Variants in IGF1R observed in about 807,000 individuals in gnomAD.
IGF1R encodes insulin like growth factor 1 receptor.
Under a neutral mutation model 144.6 loss-of-function variants are expected in IGF1R, and 44 were observed. That is an observed-to-expected ratio of 0.30 (90% CI 0.24 to 0.39). The LOEUF is 0.39. IGF1R is among the 10% of genes least tolerant of loss of function. The pLI is 1.00. For synonymous variants in IGF1R, 795 were observed against 722.8 expected, an observed-to-expected ratio of 1.10 and a Z score of -1.60; for missense variants, 1,355 against 1,833.7, an observed-to-expected ratio of 0.74 and a Z score of 4.77.
At chr15:98,650,036 T>TC (rs1428909537) in intron 1 of IGF1R, among the ~76,000 whole-genome samples, 1 of 151,976 alleles carries the variant, frequency 6.6e-6, no homozygotes, top group Non-Finnish European at 1.5e-5. Context: ...ACCTCGCCCC[T>TC]TCCATGCGCA....
chr15:98,765,485 C>G (rs1449781879), intron 2 of IGF1R, among the ~76,000 whole-genome samples: 1 of 151,308 alleles, frequency 6.6e-6, no homozygotes, highest in Non-Finnish European at 1.5e-5. Flanking sequence ...ATTTTTTTTT[C>G]TTTTCTCTTT....
intron 2 of IGF1R, among the ~76,000 whole-genome samples, chr15:98,789,899 T>A: frequency 7.0e-6 from 1 of 143,422 alleles, no homozygotes; most frequent in South Asian, 2.1e-4. Flanking sequence ...TAAAAGCAAG[T>A]CTCTGCCCTG....
chr15:98,693,063 C>T (rs905640551), intron 1 of IGF1R, among the ~76,000 whole-genome samples: 2 of 152,276 alleles, frequency 1.3e-5, no homozygotes, highest in Middle Eastern at 3.4e-3. Flanking sequence ...GTGGAGCATG[C>T]TCTGTGGTTC....
Position 98,958,024 on chromosome 15 carries a change from A to C in IGF1R, c.*582A>C, listed in dbSNP as rs1173923162. The C allele has an allele frequency of 1.3e-5, 3 of 234,038 alleles. No homozygotes were observed. Among genetic ancestry groups the C allele is most frequent in the Non-Finnish European group, 1.7e-5 (2 of 118,446 alleles). 14.5% of individuals were successfully genotyped at this position (234,038 alleles called of 1,614,324 possible). A position where few individuals can be genotyped will look rare whatever the true frequency, so the allele number is the denominator to read the frequency against. On this transcript the variant is annotated 3_prime_UTR_variant, in exon 21 of 21. Coordinates refer to ENST00000650285, the MANE Select transcript of IGF1R (RefSeq NM_000875.5). ...GGCTGTTACCATTTTAACGCTGCCT[A>C]ATTTTGCCAAAATCCTGAACTTTCT...
intron 6 of IGF1R, among the ~76,000 whole-genome samples, chr15:98,910,690 G>A (rs1303403650): frequency 2.0e-5 from 3 of 152,214 alleles, no homozygotes; most frequent in Non-Finnish European, 4.4e-5. Context: ...CATAGAGCAC[G>A]TTAGGCTTGG....
intron 20 of IGF1R, among the ~76,000 whole-genome samples, chr15:98,951,244 G>A (rs541099059): frequency 3.3e-5 from 5 of 152,344 alleles, no homozygotes; most frequent in African/African-American, 1.2e-4. Flanking sequence ...GGTGCCCTGG[G>A]CCTGGGCCAG....
intron 10 of IGF1R, among the ~76,000 whole-genome samples, chr15:98,919,243 C>G (rs553665970): frequency 2.0e-5 from 3 of 152,348 alleles, no homozygotes; most frequent in African/African-American, 7.2e-5. Context: ...TTCTCGTGGT[C>G]CTTTCCACCT....
intron 2 of IGF1R, among the ~76,000 whole-genome samples, chr15:98,740,853 T>C (rs1399180829): frequency 6.6e-6 from 1 of 152,202 alleles, no homozygotes; most frequent in African/African-American, 2.4e-5. Flanking sequence ...TCCCCTACTT[T>C]CTCTTATGTA....
intron 2 of IGF1R, among the ~76,000 whole-genome samples, chr15:98,885,771 G>T (rs1050199081): frequency 6.6e-6 from 1 of 151,086 alleles, no homozygotes; most frequent in African/African-American, 2.4e-5. Context: ...TGGCCAGGTG[G>T]CCCCTCTTTC....
intron 2 of IGF1R, among the ~76,000 whole-genome samples, chr15:98,743,144 G>T (rs1031597813): frequency 1.3e-5 from 2 of 152,022 alleles, no homozygotes; most frequent in African/African-American, 4.8e-5. Flanking sequence ...TCTAACTTTT[G>T]AAAATAAAGT....
chr15:98,730,595 G>A (rs1388182301), intron 2 of IGF1R, among the ~76,000 whole-genome samples: 1 of 152,196 alleles, frequency 6.6e-6, no homozygotes, highest in Non-Finnish European at 1.5e-5. Context: ...GAGGATGGAA[G>A]AGAGTCACTT....
At chr15:98,882,064 C>T (rs2013411230) in intron 2 of IGF1R, among the ~76,000 whole-genome samples, 1 of 152,158 alleles carries the variant, frequency 6.6e-6, no homozygotes, top group Non-Finnish European at 1.5e-5. Context: ...CTTAAGATCA[C>T]ACAGAGAAAC....
intron 2 of IGF1R, among the ~76,000 whole-genome samples, chr15:98,804,625 TAGGC>T (rs1457486958): frequency 2.0e-5 from 3 of 152,170 alleles, no homozygotes; most frequent in Admixed American, 6.6e-5. Flanking sequence ...TGTGACTCCT[TAGGC>T]AGGAAGGAGA....
chr15:98,758,678 G>T (rs1211578052), intron 2 of IGF1R, among the ~76,000 whole-genome samples: 6 of 152,214 alleles, frequency 3.9e-5, no homozygotes, highest in Admixed American at 2.0e-4. Flanking sequence ...TGACCATGGA[G>T]AACTGTACCC....
intron 1 of IGF1R, among the ~76,000 whole-genome samples, chr15:98,692,872 T>C (rs967941917): frequency 8.6e-5 from 13 of 151,986 alleles, no homozygotes; most frequent in African/African-American, 3.1e-4. Context: ...ACCCCCGCCC[T>C]AGATAGTAGG....
At chr15:98,838,751 G>A (rs116546412) in intron 2 of IGF1R, among the ~76,000 whole-genome samples, 2 of 152,168 alleles carry the variant, frequency 1.3e-5, no homozygotes, top group African/African-American at 2.4e-5. Flanking sequence ...AAATAAGCCC[G>A]TGGCCAAAAG....
At chr15:98,774,451 C>T (rs115329136) in intron 2 of IGF1R, among the ~76,000 whole-genome samples, 3 of 152,024 alleles carry the variant, frequency 2.0e-5, no homozygotes, top group Non-Finnish European at 2.9e-5. Flanking sequence ...GTTTGACTAT[C>T]GAGTTTAGAT....
intron 1 of IGF1R, among the ~76,000 whole-genome samples, chr15:98,688,023 CTG>C (rs1307955509): frequency 1.3e-5 from 2 of 152,124 alleles, no homozygotes; most frequent in Non-Finnish European, 1.5e-5. Flanking sequence ...GTCTTGTGCT[CTG>C]TGGTTTGTAG....
At chr15:98,767,002 G>C (rs1260478379) in intron 2 of IGF1R, among the ~76,000 whole-genome samples, 1 of 152,108 alleles carries the variant, frequency 6.6e-6, no homozygotes, top group Non-Finnish European at 1.5e-5. Context: ...GACCAAGGGT[G>C]CCTTTCCCCT....
Sources: allele counts gnomAD v4.1 joint callset (sites outside exome capture counted in the v4.1 genomes callset), GRCh38; gene constraint gnomAD v4.1.1; transcripts MANE v1.5; gene names NCBI Gene and HGNC (gene_info 2026-07-23, HGNC 2026-07-21).